Variants in CYTH4 observed in about 807,000 individuals in gnomAD.
The protein encoded by CYTH4 is cytohesin-4.
CYTH4 carries 22 observed loss-of-function variants against 57.5 expected under a neutral mutation model. The observed-to-expected ratio is 0.38, with a 90% confidence interval of 0.27 to 0.55. The LOEUF is 0.55. Ranked by LOEUF, CYTH4 falls within the 20% of genes least tolerant of loss-of-function variation. The pLI, the probability that CYTH4 is intolerant of heterozygous loss-of-function variation, is 0.74. For missense variants in CYTH4, 420 were observed against 535.6 expected, an observed-to-expected ratio of 0.78 and a Z score of 2.13; for synonymous variants, 186 against 206.5, an observed-to-expected ratio of 0.90 and a Z score of 0.85.
chr22:37,313,880 G>A lies in CYTH4; in HGVS notation c.*369G>A. 1 of 279,856 alleles carries A rather than the reference G, an allele frequency of 3.6e-6. No homozygotes were observed. Among genetic ancestry groups the A allele is most frequent in the Non-Finnish European group, 6.8e-6 (1 of 147,450 alleles). The allele number at this position is 279,856 out of a possible 1,614,324, so 17.3% of individuals were successfully genotyped here. ...AAGGCGCTCTCTGCACTTAGATGCT[G>A]TCAGCCCTCAACGTAGGAGGGGCCG... is the stretch of plus-strand genomic sequence containing the variant. On this transcript the variant is annotated 3_prime_UTR_variant, in exon 13 of 13. Coordinates refer to ENST00000248901, the MANE Select transcript of CYTH4 (RefSeq NM_013385.5).
intron 1 of CYTH4, among the ~76,000 whole-genome samples, chr22:37,283,634 C>G (rs932902118): frequency 2.6e-5 from 4 of 152,122 alleles, no homozygotes; most frequent in African/African-American, 9.7e-5. Context: ...AACAGCCCCC[C>G]CAGTGGCAGA....
At chr22:37,296,995 C>T (rs1381080412) in intron 4 of CYTH4, among the ~76,000 whole-genome samples, 8 of 152,174 alleles carry the variant, frequency 5.3e-5, no homozygotes, top group South Asian at 2.1e-4. Context: ...TTGTCAAATC[C>T]GAAAAACAGA....
intron 8 of CYTH4, among the ~76,000 whole-genome samples, chr22:37,304,492 C>A (rs1406172956): frequency 1.3e-5 from 2 of 152,080 alleles, no homozygotes; most frequent in Non-Finnish European, 2.9e-5. Context: ...CCCCAGAGCC[C>A]CCTGAGCTTC....
intron 1 of CYTH4, among the ~76,000 whole-genome samples, chr22:37,286,964 GA>G (rs1260645342): frequency 6.6e-6 from 1 of 152,182 alleles, no homozygotes; most frequent in Non-Finnish European, 1.5e-5. Flanking sequence ...GAAGGGGAAA[GA>G]AATAGACAGG....
intron 9 of CYTH4, chr22:37,310,011 G>A (rs992723994): frequency 2.1e-5 from 10 of 468,936 alleles, no homozygotes; most frequent in African/African-American, 1.4e-4. Context: ...CAGCCAAGCC[G>A]GGGACAGCGC....
Position 37,313,425 on chromosome 22 carries a change from C to T in CYTH4, c.1113-14C>T. ...CCAGTCCAGCCCTGAAATCTCTCCT[C>T]CCACTCATTCTAGAGCCAGCATCAC... On this transcript the variant is annotated splice_polypyrimidine_tract_variant and intron_variant, in intron 12 of 12. Coordinates refer to ENST00000248901, the MANE Select transcript of CYTH4 (RefSeq NM_013385.5). 6.2e-7 allele frequency: 1 copy of T among 1,613,718 alleles called. No individual in the cohort carries two copies. The highest frequency in any genetic ancestry group is 1.1e-5 in the South Asian group (1 of 91,074).
rs1929662933 is a variant in CYTH4, at chr22:37,312,051, G to T, written c.989G>T (p.Arg330Leu). 1.2e-6 allele frequency: 2 copies of T among 1,614,004 alleles called. No individual in the cohort carries two copies. ...FCLELYNPSCRGQKIKACKTD... is the reference protein window; with the variant it reads ...FCLELYNPSCLGQKIKACKTD... Reference sequence around the variant, plus strand: ...CTGGAGCTCTACAACCCTAGCTGCCGAGGCCAGAAAATCAAGGCCTGCAAG... The same window carrying T: ...CTGGAGCTCTACAACCCTAGCTGCCTAGGCCAGAAAATCAAGGCCTGCAAG... Residue 330 changes from arginine (R) to leucine (L), a missense_variant, in exon 12 of 13, where the codon CGA becomes CTA. Transcript: ENST00000248901.
intron 1 of CYTH4, among the ~76,000 whole-genome samples, chr22:37,284,769 C>T (rs1928487765): frequency 6.6e-6 from 1 of 152,156 alleles, no homozygotes; most frequent in Admixed American, 6.5e-5. Flanking sequence ...GGGCTGCCTC[C>T]CCTCCTCTCC....
At chr22:37,283,569 C>T (rs1197578988) in intron 1 of CYTH4, among the ~76,000 whole-genome samples, 1 of 151,932 alleles carries the variant, frequency 6.6e-6, no homozygotes, top group African/African-American at 2.4e-5. Flanking sequence ...TTCCTCCCCA[C>T]CCCCAGATGG....
chr22:37,305,481 C>T (rs559045497), intron 8 of CYTH4, among the ~76,000 whole-genome samples: 27 of 152,310 alleles, frequency 1.8e-4, no homozygotes, highest in Admixed American at 1.3e-3. Context: ...GTGGCTTGAC[C>T]TCTCTGAGCC....
intron 5 of CYTH4, 105 bp from the exon 6 acceptor site, chr22:37,299,121 A>G (rs1173794107): frequency 2.5e-6 from 2 of 789,890 alleles, no homozygotes; most frequent in Non-Finnish European, 4.4e-6. Context: ...CCCCAGAAGG[A>G]CAGATGTCTC....
intron 1 of CYTH4, among the ~76,000 whole-genome samples, chr22:37,291,535 C>T (rs957258495): frequency 3.9e-5 from 6 of 152,172 alleles, no homozygotes; most frequent in African/African-American, 9.7e-5. Flanking sequence ...AGTACAGGAG[C>T]GGCCTGGGCA....
In CYTH4 at chr22:37,314,614, G is replaced by C. The variant is rs1041280961; in HGVS notation, c.*1103G>C. On this transcript the variant is annotated 3_prime_UTR_variant, in exon 13 of 13. Coordinates refer to ENST00000248901, the MANE Select transcript of CYTH4 (RefSeq NM_013385.5). ...GCAGCCCGGCGGGTCCCAGCATCTCGAGACCCTCTGCAGAAGTATTATCAG... is the reference window on the plus strand; with the variant it reads ...GCAGCCCGGCGGGTCCCAGCATCTCCAGACCCTCTGCAGAAGTATTATCAG... The C allele has an allele frequency of 7.6e-6, 3 of 393,646 alleles. No individual in the cohort carries two copies. Among genetic ancestry groups the C allele is most frequent in the Middle Eastern group, 6.4e-4 (1 of 1,562 alleles). 24.4% of individuals were successfully genotyped at this position (393,646 alleles called of 1,614,324 possible).
At chr22:37,292,847 G>C (rs1928801095) in intron 2 of CYTH4, 144 bp downstream of exon 2, 2 of 736,682 alleles carry the variant, frequency 2.7e-6, no homozygotes, top group African/African-American at 3.5e-5. Context: ...AGCCCCAGGA[G>C]CAGGGAGAAC....
chr22:37,309,364 T>A (rs1452646989), intron 9 of CYTH4, 41 bp downstream of exon 9: 1 of 1,567,764 alleles, frequency 6.4e-7, no homozygotes, highest in East Asian at 2.2e-5. Flanking sequence ...CACACACTCA[T>A]GCACGCGCGG....
intron 1 of CYTH4, 43 bp downstream of exon 1, chr22:37,282,631 C>T (rs779237368): frequency 6.4e-7 from 1 of 1,550,470 alleles, no homozygotes; most frequent in East Asian, 2.3e-5. Context: ...AGGGTGCTCT[C>T]TTTTAGAATG....
rs183683840 is a variant in CYTH4 at position 37,291,979 on chromosome 22, G to T, written c.20-642G>T. Among the ~76,000 whole-genome samples the T allele has an allele frequency of 1.9e-3, 282 of 152,262 alleles. 4 individuals carry two copies. Among genetic ancestry groups the T allele is most frequent in the Admixed American group, 0.017 (262 of 15,292 alleles). On this transcript the variant is annotated intron_variant, in intron 1 of 12. Coordinates refer to ENST00000248901, the MANE Select transcript of CYTH4 (RefSeq NM_013385.5). ...AGTCACCTCACCTCTCTGAGCCCCA[G>T]TATCCAGGGGCAGGGACTATAAAAT...
intron 1 of CYTH4, among the ~76,000 whole-genome samples, chr22:37,284,436 C>T (rs1222543679): frequency 6.6e-6 from 1 of 152,198 alleles, no homozygotes; most frequent in Non-Finnish European, 1.5e-5. Context: ...ACTTTTCCCA[C>T]TGGGGCAGAG....
chr22:37,300,094 T>C, intron 6 of CYTH4: 1 of 717,534 alleles, frequency 1.4e-6, no homozygotes, highest in Non-Finnish European at 2.6e-6. Context: ...AATGGGAAAG[T>C]GTTTAAAACT....
Sources: gnomAD v4.1 joint callset for allele counts (sites outside exome capture counted in the v4.1 genomes callset) on GRCh38, gnomAD v4.1.1 for gene constraint, MANE v1.5 for transcripts, NCBI Gene and HGNC (gene_info 2026-07-23, HGNC 2026-07-21) for gene names.